RSPO3: variants seen among roughly 807,000 people sequenced by gnomAD.
RSPO3 encodes the protein R-spondin-3.
RSPO3 carries 17 observed loss-of-function variants against 36.5 expected under a neutral mutation model. The observed-to-expected ratio is 0.47, with a 90% CI of 0.32 to 0.70. The LOEUF (loss-of-function observed/expected upper bound fraction) is 0.70, where lower values mean the gene tolerates loss of function less well. RSPO3 is among the 30% of genes least tolerant of loss of function. The probability of loss-of-function intolerance (pLI) is 0.04; values close to 1 mark genes in which losing one functional copy is unlikely to be tolerated. For missense variants in RSPO3, 294 were observed against 322.5 expected (o/e 0.91, Z 0.68); for synonymous variants, 108 against 107.0 (o/e 1.01, Z -0.06).
intron 1 of RSPO3, among the ~76,000 whole-genome samples, chr6:127,135,006 T>C (rs1774125487): frequency 1.3e-5 from 2 of 152,214 alleles, no homozygotes; most frequent in South Asian, 2.1e-4. Context: ...ATGGAACTAC[T>C]AATACCTCAT....
Position 127,119,203 on chromosome 6 carries a change from G to T in RSPO3, c.11G>T (p.Arg4Leu), listed in dbSNP as rs757593402. Residue 4 changes from arginine (R) to leucine (L), a missense_variant, in exon 1 of 5, where the codon CGA becomes CTA. This residue lies in a region of RSPO3 where 61 missense variants were observed against 51.3 expected (regional missense o/e 1.19). Transcript: ENST00000356698. MHLRLISWLFIILN... is the reference protein window; with the variant it reads MHLLLISWLFIILN... ...CATTACTGGGTTACTATGCACTTGC[G>T]ACTGATTTCTTGGCTTTTTATCATT... 12 of 1,612,962 alleles carry T rather than the reference G, an allele frequency of 7.4e-6. No individual in the cohort carries two copies. Among genetic ancestry groups the T allele is most frequent in the Non-Finnish European group, 1.0e-5 (12 of 1,179,034 alleles).
intron 1 of RSPO3, among the ~76,000 whole-genome samples, chr6:127,126,264 G>A (rs983750761): frequency 2.0e-5 from 3 of 152,082 alleles, no homozygotes; most frequent in African/African-American, 4.8e-5. Context: ...AAGTACTTCA[G>A]AGTCACTCAC....
chr6:127,178,872 C>A (rs752207266), intron 4 of RSPO3, among the ~76,000 whole-genome samples: 2 of 151,778 alleles, frequency 1.3e-5, no homozygotes. Flanking sequence ...AAGGGCAAAC[C>A]TTTCTGACCT....
chr6:127,138,034 C>T (rs1347564684), intron 1 of RSPO3, among the ~76,000 whole-genome samples: 2 of 152,082 alleles, frequency 1.3e-5, no homozygotes, highest in Non-Finnish European at 2.9e-5. Flanking sequence ...GTATTTATAT[C>T]ACCTTCGTCA....
chr6:127,150,186 T>TATATAC (rs775035980), intron 2 of RSPO3, among the ~76,000 whole-genome samples: 29 of 149,546 alleles, frequency 1.9e-4, no homozygotes, highest in Admixed American at 5.3e-4. Context: ...TATATATATA[T>TATATAC]ACACACACAC....
chr6:127,185,630 G>A (rs564098010), intron 4 of RSPO3, among the ~76,000 whole-genome samples: 113 of 152,138 alleles, frequency 7.4e-4, no homozygotes, highest in African/African-American at 2.6e-3. Context: ...GATACGTGGA[G>A]CAGCACAAAT....
chr6:127,194,614 G>A (rs1233354709), intron 4 of RSPO3, among the ~76,000 whole-genome samples: 3 of 152,112 alleles, frequency 2.0e-5, no homozygotes, highest in Non-Finnish European at 4.4e-5. Flanking sequence ...TATCTACTTC[G>A]ATCAAATTAT....
chr6:127,170,434 T>TACACACACAC (rs141558102), intron 4 of RSPO3, among the ~76,000 whole-genome samples: 7 of 148,980 alleles, frequency 4.7e-5, no homozygotes, highest in East Asian at 4.0e-4. Context: ...GTTCCACACA[T>TACACACACAC]ACACACACAC....
chr6:127,136,905 T>C (rs1774169694), intron 1 of RSPO3, among the ~76,000 whole-genome samples: 1 of 152,172 alleles, frequency 6.6e-6, no homozygotes, highest in African/African-American at 2.4e-5. Context: ...GGCAGATCTT[T>C]AACGTCCTGT....
chr6:127,126,673 G>A (rs1357166201), intron 1 of RSPO3, among the ~76,000 whole-genome samples: 1 of 152,044 alleles, frequency 6.6e-6, no homozygotes, highest in East Asian at 1.9e-4. Flanking sequence ...CCATTGAATT[G>A]GGTGCAGTAT....
In RSPO3 at chr6:127,157,500, AAAC is replaced by A. The variant is rs1386981821; in HGVS notation, c.634+2067_634+2069del. Among the ~76,000 whole-genome samples the A allele has an allele frequency of 6.6e-5, 10 of 152,098 alleles. 1 individual carries two copies. Among genetic ancestry groups the A allele is most frequent in the Admixed American group, 6.6e-4 (10 of 15,266 alleles). On this transcript the variant is annotated intron_variant, in intron 4 of 4. Coordinates refer to ENST00000356698, the MANE Select transcript of RSPO3 (RefSeq NM_032784.5). ...TATCTCATCTAGAAAGAGATAAAAT[AAAC>A]AACATCACAAGAAGTTTGAAATAGT...
At position 127,196,348 on chromosome 6, in the gene RSPO3, CTGT is replaced by C. The variant is rs1775515451; in HGVS notation, c.*346_*348del. On this transcript the variant is annotated 3_prime_UTR_variant, in exon 5 of 5. Coordinates refer to ENST00000356698, the MANE Select transcript of RSPO3 (RefSeq NM_032784.5). ...TTCCTTATAAAAATGTGTTTTCAAGCTGTTGTTTTAAGAAGCAAAAGATAGTTC... is the reference window on the plus strand; with the variant it reads ...TTCCTTATAAAAATGTGTTTTCAAGCTGTTTTAAGAAGCAAAAGATAGTTC... 1 of 162,882 alleles carries C rather than the reference CTGT, an allele frequency of 6.1e-6. No individual in the cohort carries two copies. Among genetic ancestry groups the C allele is most frequent in the African/African-American group, 2.4e-5 (1 of 41,888 alleles). The allele number at this position is 162,882 out of a possible 1,614,324, so 10.1% of individuals were successfully genotyped here. A position where few individuals can be genotyped will look rare whatever the true frequency, so the allele number is the denominator to read the frequency against.
intron 4 of RSPO3, among the ~76,000 whole-genome samples, chr6:127,174,981 T>C (rs1281092578): frequency 6.6e-6 from 1 of 151,738 alleles, no homozygotes; most frequent in Non-Finnish European, 1.5e-5. Context: ...CTTAGACTTC[T>C]TTCATTTATA....
At chr6:127,142,613 A>G (rs1774296490) in intron 1 of RSPO3, among the ~76,000 whole-genome samples, 1 of 152,092 alleles carries the variant, frequency 6.6e-6, no homozygotes, top group African/African-American at 2.4e-5. Flanking sequence ...ACATAAGAAA[A>G]CCATTATTAC....
At chr6:127,121,644 A>T (rs1418298210) in intron 1 of RSPO3, among the ~76,000 whole-genome samples, 3 of 152,138 alleles carry the variant, frequency 2.0e-5, no homozygotes, top group Non-Finnish European at 4.4e-5. Flanking sequence ...AGGAGGAAGG[A>T]GTGGAGGGTA....
At chr6:127,195,788 A>T in intron 4 of RSPO3, 35 bp from the exon 5 acceptor site, 1 of 1,358,720 alleles carries the variant, frequency 7.4e-7, no homozygotes, top group Non-Finnish European at 9.9e-7. Flanking sequence ...AACATAATTG[A>T]ATGTAATTTT....
At chr6:127,119,971 G>A (rs938682153) in intron 1 of RSPO3, 1 of 152,688 alleles carries the variant, frequency 6.5e-6, no homozygotes, top group African/African-American at 2.4e-5. Flanking sequence ...AGCCGGAGGT[G>A]CGGAGTTTCC....
intron 1 of RSPO3, among the ~76,000 whole-genome samples, chr6:127,128,987 A>G (rs570043942): frequency 2.0e-4 from 30 of 152,242 alleles, no homozygotes; most frequent in South Asian, 1.0e-3. Flanking sequence ...CTACTTAATA[A>G]TAAACAACTG....
chr6:127,158,748 T>G (rs1774646013), intron 4 of RSPO3, among the ~76,000 whole-genome samples: 1 of 152,284 alleles, frequency 6.6e-6, no homozygotes, highest in Non-Finnish European at 1.5e-5. Flanking sequence ...AATTTAATTG[T>G]TGTATCCTTA....
Sources: allele counts gnomAD v4.1 joint callset (sites outside exome capture counted in the v4.1 genomes callset), GRCh38; gene constraint gnomAD v4.1.1; regional missense constraint gnomAD v4.1.1; transcripts MANE v1.5; gene names NCBI Gene and HGNC (gene_info 2026-07-23, HGNC 2026-07-21).